BMP8B: variants seen among roughly 807,000 people sequenced by gnomAD.
BMP8B encodes bone morphogenetic protein 8 (osteogenic protein 2).
BMP8B carries 17 observed loss-of-function variants against 30.3 expected under a neutral mutation model. That is an observed-to-expected ratio of 0.56 (90% CI 0.38 to 0.84). The LOEUF (loss-of-function observed/expected upper bound fraction) is 0.84. BMP8B is among the 40% of genes least tolerant of loss of function. The pLI, the probability that BMP8B is intolerant of heterozygous loss-of-function variation, is 0.00. For synonymous variants in BMP8B, 131 were observed against 214.7 expected (o/e 0.61, Z 3.41); for missense variants, 253 against 494.6 (o/e 0.51, Z 4.63).
chr1:39,786,653 G>GGTCCTGAGCCCAGTGTCAGCCT (rs1553130775), intron 1 of BMP8B, among the ~76,000 whole-genome samples: 2 of 152,118 alleles, frequency 1.3e-5, no homozygotes, highest in African/African-American at 4.8e-5. Context: ...AACTCTTCTT[G>GGTCCTGAGCCCAGTGTCAGCCT]GTCCTGAGCC....
Position 39,781,326 on chromosome 1 carries a change from A to G in BMP8B, c.335-6288T>C, listed in dbSNP as rs548347877. On this transcript the variant is annotated intron_variant, in intron 1 of 6. Coordinates refer to ENST00000372827, the MANE Select transcript of BMP8B (RefSeq NM_001720.5). ...AACGGCTGCTACTCAAGATAGAGCC[A>G]GCAGTTAAAGGAAATCACCAACTTT... is the stretch of plus-strand genomic sequence containing the variant. Among the ~76,000 whole-genome samples the G allele has an allele frequency of 2.6e-5, 4 of 152,368 alleles. No individual in the cohort carries two copies. In the South Asian group the frequency reaches 8.3e-4, roughly 32 times the overall value.
chr1:39,763,727 C>T lies in BMP8B; in HGVS notation c.933G>A (p.Gln311=). Residue 311 remains glutamine, a synonymous_variant, in exon 5 of 7, where the codon CAG becomes CAA. Transcript: ENST00000372827. ...CAGCAATTACCAGCCAGCCGAGGTC[C>T]TGGAAGCTGACGTAGAGCTCGTGCC... is the stretch of plus-strand genomic sequence containing the variant. The part of the protein sequence containing the change: ...CRRHELYVSF[Q]DLGWLDWVIA... 1 of 1,602,322 alleles carries T rather than the reference C, an allele frequency of 6.2e-7. No individual in the cohort carries two copies. Among genetic ancestry groups the T allele is most frequent in the Non-Finnish European group, 8.5e-7 (1 of 1,174,152 alleles).
chr1:39,766,138 G>T (rs1649599100), intron 3 of BMP8B, among the ~76,000 whole-genome samples: 1 of 148,992 alleles, frequency 6.7e-6, no homozygotes, highest in Non-Finnish European at 1.5e-5. Context: ...TACCGTAATT[G>T]ACTTGATATT....
At chr1:39,787,880 C>A (rs3856260) in intron 1 of BMP8B, among the ~76,000 whole-genome samples, 1 of 152,278 alleles carries the variant, frequency 6.6e-6, no homozygotes, top group South Asian at 2.1e-4. Flanking sequence ...AAAGACATCA[C>A]CTGATTCTTA....
chr1:39,785,392 G>A (rs1337533277), intron 1 of BMP8B, among the ~76,000 whole-genome samples: 1 of 150,756 alleles, frequency 6.6e-6, no homozygotes, highest in Admixed American at 6.6e-5. Flanking sequence ...AGGCCAGGCA[G>A]GGCCCCGGCT....
chr1:39,767,994 A>C (rs560692300), intron 3 of BMP8B, among the ~76,000 whole-genome samples: 22 of 149,358 alleles, frequency 1.5e-4, no homozygotes, highest in African/African-American at 5.4e-4. Flanking sequence ...ACATGCCCCC[A>C]ATGGCCTGGG....
Position 39,774,940 on chromosome 1 carries a change from C to G in BMP8B, c.433G>C (p.Glu145Gln). ...CTGGGCACCTTGTAAATCCGGAACTCCGCAGCTGTGACCGCCTCCCCAGCC... is the reference window on the plus strand; with the variant it reads ...CTGGGCACCTTGTAAATCCGGAACTGCGCAGCTGTGACCGCCTCCCCAGCC... ...IPAGEAVTAA[E>Q]FRIYKVPSIH... Residue 145 changes from glutamate (E) to glutamine (Q), a missense_variant, in exon 2 of 7, where the codon GAG becomes CAG. Physicochemically the swap from Glu to Gln is conservative, Grantham distance 29. This residue lies in a region of BMP8B where 21 missense variants were observed against 83.0 expected (regional missense o/e 0.25). Transcript: ENST00000372827. 3 of 1,226,232 alleles carry G rather than the reference C, an allele frequency of 2.4e-6. No homozygotes were observed. The highest frequency in any genetic ancestry group is 3.4e-6 in the Non-Finnish European group (3 of 875,000). 76.0% of individuals were successfully genotyped at this position (1,226,232 alleles called of 1,614,324 possible). A position where few individuals can be genotyped will look rare whatever the true frequency, so the allele number is the denominator to read the frequency against.
chr1:39,779,282 G>A (rs1023442036), intron 1 of BMP8B, among the ~76,000 whole-genome samples: 4 of 152,168 alleles, frequency 2.6e-5, no homozygotes, highest in East Asian at 1.9e-4. Context: ...AGGGAGGGCC[G>A]GCCCTACTCT....
intron 1 of BMP8B, among the ~76,000 whole-genome samples, chr1:39,784,246 A>G (rs1458512498): frequency 2.0e-5 from 3 of 152,212 alleles, no homozygotes; most frequent in African/African-American, 4.8e-5. Flanking sequence ...CAAGCCCACA[A>G]CAGCCCCATA....
chr1:39,770,482 G>A (rs200984322), intron 3 of BMP8B: 2 of 1,610,336 alleles, frequency 1.2e-6, no homozygotes, highest in Middle Eastern at 1.7e-4. Flanking sequence ...GAACGTGGAT[G>A]TCTTCTGGGG....
At chr1:39,766,228 A>C (rs1409404143) in intron 3 of BMP8B, among the ~76,000 whole-genome samples, 28 of 146,252 alleles carry the variant, frequency 1.9e-4, no homozygotes, top group African/African-American at 7.2e-4. Context: ...CACTCCGTGC[A>C]TGGGTGAAAT....
intron 1 of BMP8B, among the ~76,000 whole-genome samples, chr1:39,778,313 G>C (rs1650373836): frequency 1.3e-5 from 2 of 151,792 alleles, no homozygotes; most frequent in Admixed American, 1.3e-4. Flanking sequence ...TGGCCCCTGA[G>C]GGTGGACAGC....
intron 1 of BMP8B, among the ~76,000 whole-genome samples, chr1:39,786,498 A>G (rs899518128): frequency 5.3e-5 from 8 of 152,234 alleles, no homozygotes; most frequent in African/African-American, 1.7e-4. Flanking sequence ...ACAGAGGGGT[A>G]GGCCCTGCCC....
Position 39,788,604 on chromosome 1 carries a change from G to C in BMP8B, c.-119C>G, listed in dbSNP as rs1365664603. 2 of 904,358 alleles carry C rather than the reference G, an allele frequency of 2.2e-6. No homozygotes were observed. The highest frequency in any genetic ancestry group is 1.3e-4 in the Admixed American group (2 of 15,968). The allele number at this position is 904,358 out of a possible 1,614,324, so 56.0% of individuals were successfully genotyped here. On this transcript the variant is annotated 5_prime_UTR_variant, in exon 1 of 7. Coordinates refer to ENST00000372827, the MANE Select transcript of BMP8B (RefSeq NM_001720.5). The surrounding 1 kb of genome is among the most constrained non-coding windows in gnomAD (Gnocchi z 5.8). ...CTGGGCTCGGCGGGCGGCGGGCGGC[G>C]GGGCGGGGCGGGACGGGCGGCGACC... is the stretch of plus-strand genomic sequence containing the variant.
At chr1:39,763,986 C>T (rs1429271554) in intron 4 of BMP8B, 195 bp from the exon 5 acceptor site, 4 of 695,272 alleles carry the variant, frequency 5.8e-6, no homozygotes, top group Admixed American at 3.1e-5. Flanking sequence ...GCCATGGCTC[C>T]CAATGGCTAG....
intron 4 of BMP8B, 199 bp from the exon 5 acceptor site, chr1:39,763,990 T>C: frequency 4.6e-6 from 3 of 658,394 alleles, no homozygotes; most frequent in Middle Eastern, 4.9e-4. Context: ...TGGCTCCCAA[T>C]GGCTAGAGTG....
chr1:39,788,002 T>C lies in BMP8B; in HGVS notation c.334+150A>G. 7.7e-7 allele frequency: 1 copy of C among 1,300,426 alleles called. No homozygotes were observed. The allele number at this position is 1,300,426 out of a possible 1,614,324, so 80.6% of individuals were successfully genotyped here. A position where few individuals can be genotyped will look rare whatever the true frequency, so the allele number is the denominator to read the frequency against. On this transcript the variant is annotated intron_variant, in intron 1 of 6. Coordinates refer to ENST00000372827, the MANE Select transcript of BMP8B (RefSeq NM_001720.5). The surrounding 1 kb of genome is among the most constrained non-coding windows in gnomAD (Gnocchi z 5.8). Reference sequence around the variant, plus strand: ...GGGGGCCCCCATGACCCTTAGACCTTCCCTAACCACGGCGGTCCCACTCCC... The same window carrying C: ...GGGGGCCCCCATGACCCTTAGACCTCCCCTAACCACGGCGGTCCCACTCCC...
At chr1:39,778,080 G>A (rs1047642535) in intron 1 of BMP8B, among the ~76,000 whole-genome samples, 2 of 152,270 alleles carry the variant, frequency 1.3e-5, no homozygotes, top group East Asian at 1.9e-4. Flanking sequence ...AGGCTCGCAC[G>A]TCAACTCATC....
intron 1 of BMP8B, among the ~76,000 whole-genome samples, chr1:39,775,366 G>A (rs912626630): frequency 6.6e-6 from 1 of 152,168 alleles, no homozygotes; most frequent in Non-Finnish European, 1.5e-5. Context: ...TGAGACAGAG[G>A]AGGGAGCCTC....
Sources: gnomAD v4.1 joint callset for allele counts (sites outside exome capture counted in the v4.1 genomes callset) on GRCh38, gnomAD v4.1.1 for gene constraint, gnomAD v4.1.1 regional missense constraint, Gnocchi (gnomAD v3.1) non-coding constraint, MANE v1.5 for transcripts, NCBI Gene and HGNC (gene_info 2026-07-23, HGNC 2026-07-21) for gene names.